The following ADAM12 variants were observed in gnomAD, a reference collection of about 807,000 sequenced individuals.
The protein encoded by ADAM12 is disintegrin and metalloproteinase domain-containing protein 12.
Under a neutral mutation model 106.4 loss-of-function variants are expected in ADAM12, and 70 were observed. The observed-to-expected ratio is 0.66, with a 90% confidence interval of 0.54 to 0.80. ADAM12 has a LOEUF of 0.80. ADAM12 is among the 30% of genes least tolerant of loss of function. The pLI is 0.00. For missense variants in ADAM12, 1,010 were observed against 1,171.9 expected (o/e 0.86, Z 2.02); for synonymous variants, 420 against 433.5 (o/e 0.97, Z 0.39).
At chr10:126,128,116 A>C (rs1293909500) in intron 5 of ADAM12, among the ~76,000 whole-genome samples, 3 of 152,134 alleles carry the variant, frequency 2.0e-5, no homozygotes, top group African/African-American at 7.2e-5. Flanking sequence ...GCCATGAGGA[A>C]GTCACTTTTG....
At chr10:126,354,463 G>T (rs2133891839) in intron 1 of ADAM12, among the ~76,000 whole-genome samples, 1 of 98,146 alleles carries the variant, frequency 1.0e-5, no homozygotes, top group African/African-American at 4.0e-5. Flanking sequence ...GTCTGCGGGA[G>T]ATGGAGAAAG....
chr10:126,213,309 G>A (rs964466865), intron 3 of ADAM12, among the ~76,000 whole-genome samples: 23 of 152,128 alleles, frequency 1.5e-4, no homozygotes, highest in African/African-American at 5.6e-4. Flanking sequence ...TCCATGAGGG[G>A]ATGTGCATAT....
intron 3 of ADAM12, among the ~76,000 whole-genome samples, chr10:126,174,434 C>T (rs574782814): frequency 1.3e-5 from 2 of 152,188 alleles, no homozygotes; most frequent in South Asian, 2.1e-4. Context: ...GTGAGCTTTG[C>T]GGCATGTCTT....
chr10:126,334,471 C>G (rs906223763), intron 1 of ADAM12, among the ~76,000 whole-genome samples: 1 of 152,132 alleles, frequency 6.6e-6, no homozygotes, highest in Non-Finnish European at 1.5e-5. Flanking sequence ...GATCGTTCAT[C>G]TCTGACAGTT....
chr10:126,242,793 G>T (rs1958551974), intron 3 of ADAM12, among the ~76,000 whole-genome samples: 1 of 152,162 alleles, frequency 6.6e-6, no homozygotes, highest in African/African-American at 2.4e-5. Flanking sequence ...GTGGACACAG[G>T]TCTGCCTCCC....
At chr10:126,204,623 G>A (rs1226089523) in intron 3 of ADAM12, among the ~76,000 whole-genome samples, 4 of 152,190 alleles carry the variant, frequency 2.6e-5, no homozygotes, top group Admixed American at 6.5e-5. Context: ...GACCGCAAAT[G>A]AAAATGTGGC....
intron 4 of ADAM12, among the ~76,000 whole-genome samples, chr10:126,143,345 G>A (rs1297409774): frequency 1.3e-5 from 2 of 150,052 alleles, no homozygotes; most frequent in Non-Finnish European, 3.0e-5. Context: ...GTATATGTGT[G>A]CATGTGTGTA....
At chr10:126,321,833 A>G (rs1166613962) in intron 2 of ADAM12, among the ~76,000 whole-genome samples, 1 of 148,550 alleles carries the variant, frequency 6.7e-6, no homozygotes, top group Non-Finnish European at 1.5e-5. Context: ...ATATGCAAAG[A>G]ATACTGGATT....
chr10:126,383,102 G>T (rs1331969601), intron 1 of ADAM12, among the ~76,000 whole-genome samples: 1 of 152,018 alleles, frequency 6.6e-6, no homozygotes, highest in African/African-American at 2.4e-5. Context: ...GTGACACCTT[G>T]CCCAGTTAAT....
At chr10:126,383,003 G>A (rs1040679917) in intron 1 of ADAM12, among the ~76,000 whole-genome samples, 5 of 152,022 alleles carry the variant, frequency 3.3e-5, no homozygotes, top group Admixed American at 6.6e-5. Flanking sequence ...GGAGTAGCAC[G>A]GCATGATCAT....
chr10:126,296,867 C>T (rs1034094826), intron 2 of ADAM12, among the ~76,000 whole-genome samples: 3 of 152,140 alleles, frequency 2.0e-5, no homozygotes, highest in Non-Finnish European at 4.4e-5. Context: ...TTCATTTTAC[C>T]TAACAACTTA....
chr10:126,042,105 G>C, intron 18 of ADAM12: 1 of 1,611,232 alleles, frequency 6.2e-7, no homozygotes, highest in Non-Finnish European at 8.5e-7. Flanking sequence ...AGCAGCACTG[G>C]TCACGGTCTC....
At chr10:126,123,882 T>C (rs1359352526) in intron 5 of ADAM12, among the ~76,000 whole-genome samples, 2 of 152,080 alleles carry the variant, frequency 1.3e-5, no homozygotes. Flanking sequence ...GGCCTTCCTT[T>C]AACATGTAAA....
intron 1 of ADAM12, among the ~76,000 whole-genome samples, chr10:126,375,477 T>C (rs1332131058): frequency 1.3e-5 from 2 of 152,074 alleles, no homozygotes; most frequent in Non-Finnish European, 2.9e-5. Context: ...GGTTAGCTTG[T>C]AATTGTTTGG....
intron 3 of ADAM12, among the ~76,000 whole-genome samples, chr10:126,231,269 T>C (rs111503441): frequency 0.035 from 5,362 of 152,268 alleles, 346 homozygotes; most frequent in African/African-American, 0.12. Context: ...TATATTTTTT[T>C]CTTCTCTGTG....
intron 2 of ADAM12, among the ~76,000 whole-genome samples, chr10:126,328,705 T>C (rs998697267): frequency 1.4e-4 from 22 of 152,248 alleles, no homozygotes; most frequent in Non-Finnish European, 2.9e-4. Context: ...TAAGTCATCA[T>C]GCCCCTACAT....
At chr10:126,038,484 T>G in intron 19 of ADAM12, 135 bp from the exon 20 acceptor site, 1 of 620,356 alleles carries the variant, frequency 1.6e-6, no homozygotes, top group Non-Finnish European at 2.7e-6. Flanking sequence ...AAGGAAAAAT[T>G]ACCTAATAAC....
chr10:126,126,007 C>T (rs1956200520), intron 5 of ADAM12, among the ~76,000 whole-genome samples: 2 of 152,222 alleles, frequency 1.3e-5, no homozygotes, highest in South Asian at 4.1e-4. Context: ...ACCAACCCTG[C>T]TGACCCCTTG....
At chr10:126,383,118 A>T (rs895898808) in intron 1 of ADAM12, among the ~76,000 whole-genome samples, 1 of 151,922 alleles carries the variant, frequency 6.6e-6, no homozygotes, top group African/African-American at 2.4e-5. Context: ...TTAATTTTTT[A>T]AAAATTTTTT....
Sources: allele counts gnomAD v4.1 joint callset (sites outside exome capture counted in the v4.1 genomes callset), GRCh38; gene constraint gnomAD v4.1.1; transcripts MANE v1.5; gene names NCBI Gene and HGNC (gene_info 2026-07-23, HGNC 2026-07-21).